Variants in ZBTB11 observed in about 807,000 individuals in gnomAD.
ZBTB11 encodes zinc finger and BTB domain containing 11.
A neutral mutation model predicts 113.1 loss-of-function variants in ZBTB11; 68 were observed. The observed-to-expected ratio is 0.60, with a 90% CI of 0.49 to 0.74. The LOEUF (loss-of-function observed/expected upper bound fraction) is 0.74, where lower values mean the gene tolerates loss of function less well. ZBTB11 is among the 30% of genes least tolerant of loss of function. The probability of loss-of-function intolerance (pLI) is 0.00; values close to 1 mark genes in which losing one functional copy is unlikely to be tolerated. For synonymous variants in ZBTB11, 518 were observed against 452.6 expected, an observed-to-expected ratio of 1.14 and a Z score of -1.83; for missense variants, 1,104 against 1,279.4, an observed-to-expected ratio of 0.86 and a Z score of 2.09.
rs1936693264 is a variant in ZBTB11 at position 101,651,086 on chromosome 3, A to G, written c.*80T>C. 6.9e-7 allele frequency: 1 copy of G among 1,451,094 alleles called. No individual in the cohort carries two copies. Among genetic ancestry groups the G allele is most frequent in the Admixed American group, 2.4e-5 (1 of 41,276 alleles). 89.9% of individuals were successfully genotyped at this position (1,451,094 alleles called of 1,614,324 possible). A position where few individuals can be genotyped will look rare whatever the true frequency, so the allele number is the denominator to read the frequency against. On this transcript the variant is annotated 3_prime_UTR_variant, in exon 11 of 11. Coordinates refer to ENST00000312938, the MANE Select transcript of ZBTB11 (RefSeq NM_014415.4). ...TTTGATATGTAAACTCCAAGCAGACAGTCACACAGAATTGTAAACAAATGT... is the reference window on the plus strand; with the variant it reads ...TTTGATATGTAAACTCCAAGCAGACGGTCACACAGAATTGTAAACAAATGT...
Position 101,651,674 on chromosome 3 carries a change from G to T in ZBTB11, c.2654C>A (p.Pro885Gln). The T allele has an allele frequency of 1.3e-6, 2 of 1,491,402 alleles. No homozygotes were observed. The highest frequency in any genetic ancestry group is 1.8e-6 in the Non-Finnish European group (2 of 1,125,736). 92.4% of individuals were successfully genotyped at this position (1,491,402 alleles called of 1,614,324 possible). Residue 885 changes from proline (P) to glutamine (Q), a missense_variant, in exon 11 of 11, where the codon CCA (proline) becomes CAA (glutamine). Coordinates refer to ENST00000312938, the MANE Select transcript of ZBTB11 (RefSeq NM_014415.4). Reference protein sequence around the residue: ...RHMNNHEGVKPFECLTCGVAW... With the variant: ...RHMNNHEGVKQFECLTCGVAW... ...TACTCCACATGTTAAGCACTCAAATGGCTTAACTCCTAAAAAAAAAAAAAA... is the reference window on the plus strand; with the variant it reads ...TACTCCACATGTTAAGCACTCAAATTGCTTAACTCCTAAAAAAAAAAAAAA...
rs1221696343 is a variant in ZBTB11 at position 101,671,155 on chromosome 3, A to C, written c.753T>G (p.Ser251Arg). The C allele has an allele frequency of 6.2e-7, 1 of 1,614,160 alleles. No homozygotes were observed. The highest frequency in any genetic ancestry group is 1.1e-5 in the South Asian group (1 of 91,088). Residue 251 changes from serine to arginine, a missense_variant, in exon 3 of 11, where the codon AGT becomes AGG. This residue lies in a region of ZBTB11 where 86 missense variants were observed against 131.0 expected (regional missense o/e 0.66). Transcript: ENST00000312938. Reference sequence around the variant, plus strand: ...CAGAAAGATCCACCACAGCCTCATGACTGGAAACAGCTCCTTTCTCAATAA... The same window carrying C: ...CAGAAAGATCCACCACAGCCTCATGCCTGGAAACAGCTCCTTTCTCAATAA... ...DLFIEKGAVS[S>R]HEAVVDLSGF...
chr3:101,667,516 T>C (rs572150857), intron 3 of ZBTB11, among the ~76,000 whole-genome samples: 42 of 152,346 alleles, frequency 2.8e-4, no homozygotes, highest in African/African-American at 9.6e-4. Flanking sequence ...TGGTATTTTA[T>C]GCAAAAGAAC....
intron 3 of ZBTB11, 82 bp downstream of exon 3, chr3:101,671,048 G>T: frequency 8.5e-7 from 1 of 1,171,016 alleles, no homozygotes; most frequent in Non-Finnish European, 1.2e-6. Context: ...TTGGCATAAA[G>T]TCCGTGTGTG....
chr3:101,662,768 CTT>C (rs201131277), intron 5 of ZBTB11, among the ~76,000 whole-genome samples: 2 of 147,214 alleles, frequency 1.4e-5, no homozygotes, highest in Non-Finnish European at 3.0e-5. Context: ...TCAAAATTGT[CTT>C]TTTTTTTTGG....
chr3:101,671,390 A>T lies in ZBTB11; in HGVS notation c.547-29T>A, dbSNP rs746944957. 6 of 1,557,184 alleles carry T rather than the reference A, an allele frequency of 3.9e-6. No homozygotes were observed. The South Asian group carries it at 6.7e-5, about 17-fold the overall frequency. On this transcript the variant is annotated intron_variant, in intron 2 of 10. Coordinates refer to ENST00000312938, the MANE Select transcript of ZBTB11 (RefSeq NM_014415.4). ...TCAAAATAAGTTTGAGAGCAAGAGT[A>T]ACATATTACCTGTATTTTTTACCCT... is the stretch of plus-strand genomic sequence containing the variant.
intron 5 of ZBTB11, among the ~76,000 whole-genome samples, chr3:101,662,493 G>A (rs1309849615): frequency 6.6e-6 from 1 of 151,976 alleles, no homozygotes; most frequent in Non-Finnish European, 1.5e-5. Context: ...GTATGGTGGC[G>A]CATGCCTGTA....
At chr3:101,669,650 G>T (rs1343886048) in intron 3 of ZBTB11, among the ~76,000 whole-genome samples, 1 of 151,510 alleles carries the variant, frequency 6.6e-6, no homozygotes, top group East Asian at 1.9e-4. Context: ...AGTGTAAGAC[G>T]TATTTTCTCC....
intron 5 of ZBTB11, among the ~76,000 whole-genome samples, chr3:101,661,008 G>T (rs1936877885): frequency 6.6e-6 from 1 of 151,806 alleles, no homozygotes; most frequent in Non-Finnish European, 1.5e-5. Flanking sequence ...GAAGAGGGTG[G>T]ATCACTTGAG....
chr3:101,665,601 G>A lies in ZBTB11; in HGVS notation c.986C>T (p.Ser329Phe). 1.2e-6 allele frequency: 2 copies of A among 1,614,196 alleles called. No homozygotes were observed. Among genetic ancestry groups the A allele is most frequent in the South Asian group, 2.2e-5 (2 of 91,078 alleles). ...ATTCTGTACTCGTAAGTCCTGGGTG[G>A]ATGCAACTGTTTGTACTTCGCCCTT... ...YKKGEVQTVA[S>F]TQDLRVQNGG... is the part of the protein sequence containing the mutation. Residue 329 changes from serine to phenylalanine, a missense_variant, in exon 4 of 11, where the codon TCC (serine) becomes TTC (phenylalanine). Physicochemically the swap from Ser to Phe is radical, Grantham distance 155. Around this residue, in one of 5 missense-constraint regions of ZBTB11, gnomAD observed 535 missense variants for 518.6 expected, o/e 1.03. Transcript: ENST00000312938.
rs770138451 is a variant in ZBTB11, at chr3:101,665,813, AT to A, written c.779-6del. ...GGAAGCTGGCCTTACAAAAACCTGTATGAATACAAAGAAGGTAAAGACAAAA... is the reference window on the plus strand; with the variant it reads ...GGAAGCTGGCCTTACAAAAACCTGTAGAATACAAAGAAGGTAAAGACAAAA... On this transcript the variant is annotated splice_polypyrimidine_tract_variant and splice_region_variant and intron_variant, in intron 3 of 10. Coordinates refer to ENST00000312938, the MANE Select transcript of ZBTB11 (RefSeq NM_014415.4). 2.2e-5 allele frequency: 34 copies of A among 1,572,638 alleles called. No homozygotes were observed. Among genetic ancestry groups the A allele is most frequent in the South Asian group, 1.7e-4 (14 of 83,844 alleles).
intron 3 of ZBTB11, 143 bp downstream of exon 3, chr3:101,670,987 G>T (rs892610913): frequency 1.3e-4 from 84 of 637,614 alleles, no homozygotes; most frequent in South Asian, 9.9e-4. Flanking sequence ...TTGCTAAAAA[G>T]AACCTTTTCA....
chr3:101,672,208 A>G lies in ZBTB11; in HGVS notation c.316T>C (p.Leu106=). The G allele has an allele frequency of 6.3e-7, 1 of 1,591,860 alleles. No homozygotes were observed. The highest frequency in any genetic ancestry group is 2.2e-5 in the East Asian group (1 of 44,670). ...LSKTYWWRGI[L]KQVKDYIKQC... The stretch of plus-strand genomic sequence containing the variant: ...TTAATGTAATCTTTGACTTGCTTCA[A>G]TATACCTACAATGAAAATATTAACA... Residue 106 remains leucine (L), a synonymous_variant, in exon 2 of 11, where the codon TTG becomes CTG. Coordinates refer to ENST00000312938, the MANE Select transcript of ZBTB11 (RefSeq NM_014415.4).
intron 3 of ZBTB11, 59 bp downstream of exon 3, chr3:101,671,071 A>G: frequency 7.1e-7 from 1 of 1,403,880 alleles, no homozygotes; most frequent in Non-Finnish European, 1.0e-6. Context: ...AGACATACAT[A>G]TCCCCCTCTT....
intron 3 of ZBTB11, among the ~76,000 whole-genome samples, chr3:101,667,408 C>T (rs1020088805): frequency 3.9e-5 from 6 of 152,164 alleles, no homozygotes; most frequent in African/African-American, 1.4e-4. Context: ...CTGCACTTTG[C>T]TTTTCTAATA....
intron 1 of ZBTB11, among the ~76,000 whole-genome samples, chr3:101,674,053 G>C (rs1937123564): frequency 7.9e-6 from 1 of 127,376 alleles, no homozygotes; most frequent in Admixed American, 8.2e-5. Context: ...TTTTTTTGCA[G>C]AACATAAACA....
rs1341908946 is a variant in ZBTB11 at position 101,649,379 on chromosome 3, T to C, written c.*1787A>G. ...TCCCTTTAAAAATAAATTAACTTAATAACACATCAAGTAACAACTGATTTA... is the reference window on the plus strand; with the variant it reads ...TCCCTTTAAAAATAAATTAACTTAACAACACATCAAGTAACAACTGATTTA... On this transcript the variant is annotated 3_prime_UTR_variant, in exon 11 of 11. Transcript: ENST00000312938. 3.9e-5 allele frequency: 6 copies of C among 152,240 alleles called. No individual in the cohort carries two copies. The highest frequency in any genetic ancestry group is 7.3e-5 in the Non-Finnish European group (5 of 68,040). The allele number at this position is 152,240 out of a possible 1,614,324, so 9.4% of individuals were successfully genotyped here. A position where few individuals can be genotyped will look rare whatever the true frequency, so the allele number is the denominator to read the frequency against.
rs752368530 is a variant in ZBTB11 at position 101,652,714 on chromosome 3, A to G, written c.2469-43T>C. 8.7e-6 allele frequency: 14 copies of G among 1,610,892 alleles called. No homozygotes were observed. The South Asian group carries it at 1.4e-4, about 16-fold the overall frequency. On this transcript the variant is annotated intron_variant, in intron 9 of 10. Coordinates refer to ENST00000312938, the MANE Select transcript of ZBTB11 (RefSeq NM_014415.4). ...ACCCAATTATTTTGTCCAAAGAAGT[A>G]GCAGCCATAACAATCAGAGTACACA...
chr3:101,660,939 CATT>C (rs764217126), intron 5 of ZBTB11, among the ~76,000 whole-genome samples: 11 of 152,028 alleles, frequency 7.2e-5, no homozygotes, highest in Non-Finnish European at 1.0e-4. Flanking sequence ...TCTGTCAAAT[CATT>C]ATGTCCTGGG....
Sources: allele counts gnomAD v4.1 joint callset (sites outside exome capture counted in the v4.1 genomes callset), GRCh38; gene constraint gnomAD v4.1.1; regional missense constraint gnomAD v4.1.1; transcripts MANE v1.5; gene names NCBI Gene and HGNC (gene_info 2026-07-23, HGNC 2026-07-21).